PLOD1: variants seen among roughly 807,000 people sequenced by gnomAD.
The protein encoded by PLOD1 is lysine hydroxylase.
In PLOD1, 70 loss-of-function variants were observed where a neutral mutation model predicts 94.7. The observed-to-expected ratio is 0.74, with a 90% CI of 0.61 to 0.90. The LOEUF (loss-of-function observed/expected upper bound fraction) is 0.90. Among genes scored for constraint, PLOD1 ranks in the 40% least tolerant of loss-of-function variants. The pLI, the probability that PLOD1 is intolerant of heterozygous loss-of-function variation, is 0.00. For synonymous variants in PLOD1, 417 were observed against 400.2 expected, an observed-to-expected ratio of 1.04 and a Z score of -0.50; for missense variants, 905 against 972.7, an observed-to-expected ratio of 0.93 and a Z score of 0.93.
Position 11,934,738 on chromosome 1 carries a change from C to T in PLOD1, c.-42C>T, listed in dbSNP as rs751377124. ...CCCCGTCGCGAAGTTTCCAGCCCTG[C>T]GAGCGCCGCCGGGTCGGCCGATCGT... On this transcript the variant is annotated 5_prime_UTR_variant, in exon 1 of 19. Transcript: ENST00000196061. The T allele has an allele frequency of 3.3e-6, 5 of 1,517,864 alleles. No individual in the cohort carries two copies. The Admixed American group carries it at 1.0e-4, about 31-fold the overall frequency. 94.0% of individuals were successfully genotyped at this position (1,517,864 alleles called of 1,614,324 possible).
At position 11,963,522 on chromosome 1, in the gene PLOD1, C is replaced by T. The variant is rs776999916; in HGVS notation, c.1098-10C>T. On this transcript the variant is annotated splice_polypyrimidine_tract_variant and intron_variant, in intron 10 of 18. Transcript: ENST00000196061. The surrounding 1 kb of genome is among the most constrained non-coding windows in gnomAD (Gnocchi z 4.3). ...TCAGGTGCACTGACCCTGTGTCCTCCTCCTTGCAGAGACCTGTGCCGGCAG... is the reference window on the plus strand; with the variant it reads ...TCAGGTGCACTGACCCTGTGTCCTCTTCCTTGCAGAGACCTGTGCCGGCAG... The T allele has an allele frequency of 6.3e-7, 1 of 1,575,012 alleles. No homozygotes were observed. The highest frequency in any genetic ancestry group is 1.2e-5 in the South Asian group (1 of 86,504).
intron 2 of PLOD1, 65 bp from the exon 3 acceptor site, chr1:11,949,708 C>G: frequency 6.4e-7 from 1 of 1,570,780 alleles, no homozygotes; most frequent in Non-Finnish European, 8.7e-7. Flanking sequence ...GCATGAGCCA[C>G]CACGGCCAGC....
intron 16 of PLOD1, among the ~76,000 whole-genome samples, chr1:11,967,597 G>GTAAAGAAATATATATAGATTTTATTTA (rs1645828571): frequency 1.7e-5 from 1 of 59,780 alleles, no homozygotes; most frequent in African/African-American, 6.7e-5. Flanking sequence ...GTGTGTGTGT[G>GTAAAGAAATATATATAGATTTTATTTA]TATATATATA....
intron 14 of PLOD1, 70 bp downstream of exon 14, chr1:11,965,663 C>A (rs1569725407): frequency 1.1e-6 from 1 of 945,580 alleles, no homozygotes; most frequent in East Asian, 2.4e-5. Context: ...GGAGGGACTT[C>A]CCTCTCAGAG....
chr1:11,964,103 C>G (rs201230979), intron 11 of PLOD1, 72 bp from the exon 12 acceptor site: 28 of 1,485,476 alleles, frequency 1.9e-5, no homozygotes, highest in African/African-American at 1.2e-4. Context: ...CTACCTCCCC[C>G]CATCCCTGGT....
intron 3 of PLOD1, 45 bp downstream of exon 3, chr1:11,949,951 TAGA>T: frequency 1.9e-6 from 3 of 1,598,512 alleles, no homozygotes; most frequent in Non-Finnish European, 2.6e-6. Context: ...CCGCGGAAGA[TAGA>T]AGAATATTCT....
At chr1:11,934,989 T>A in intron 1 of PLOD1, 134 bp downstream of exon 1, 1 of 1,129,494 alleles carries the variant, frequency 8.9e-7, no homozygotes, top group Non-Finnish European at 1.2e-6. Context: ...CTTGTCCACT[T>A]AATCGCTGGT....
At chr1:11,969,796 G>A (rs1038586780) in intron 16 of PLOD1, among the ~76,000 whole-genome samples, 1 of 152,180 alleles carries the variant, frequency 6.6e-6, no homozygotes, top group African/African-American at 2.4e-5. Context: ...GCCAGCAAGA[G>A]ACAGAATCTC....
intron 1 of PLOD1, among the ~76,000 whole-genome samples, chr1:11,938,921 A>T (rs1461857589): frequency 6.6e-6 from 1 of 152,218 alleles, no homozygotes; most frequent in Non-Finnish European, 1.5e-5. Flanking sequence ...GGGAGACACA[A>T]GAAGGCTTCA....
Position 11,949,809 on chromosome 1 carries a change from G to A in PLOD1, c.205G>A (p.Gly69Arg). 6.2e-7 allele frequency: 1 copy of A among 1,614,068 alleles called. No homozygotes were observed. Among genetic ancestry groups the A allele is most frequent in the South Asian group, 1.1e-5 (1 of 91,080 alleles). The change falls in exon 3 of 19, where the codon GGG becomes AGG. Residue 69 changes from glycine to arginine, a missense_variant. Gly to Arg is a moderately radical substitution (Grantham distance 125). Transcript: ENST00000196061. ...GLGEDWNVEK[G>R]TSAGGGQKVR... ...AGGGGAGGACTGGAATGTGGAGAAGGGGACGTCGGCAGGTGGAGGGCAGAA... is the reference window on the plus strand; with the variant it reads ...AGGGGAGGACTGGAATGTGGAGAAGAGGACGTCGGCAGGTGGAGGGCAGAA...
At chr1:11,952,326 G>T (rs1645708846) in intron 4 of PLOD1, among the ~76,000 whole-genome samples, 1 of 152,218 alleles carries the variant, frequency 6.6e-6, no homozygotes, top group African/African-American at 2.4e-5. Flanking sequence ...GGGGCTCCTC[G>T]TACAATCCGT....
chr1:11,935,019 C>T (rs1645568811), intron 1 of PLOD1, among the ~76,000 whole-genome samples, 164 bp downstream of exon 1: 1 of 152,210 alleles, frequency 6.6e-6, no homozygotes. Flanking sequence ...AAATCACTTC[C>T]CCTCTTGGGG....
At chr1:11,944,770 T>TCTGCCCTGGGGCCAGCTCCCTGCCCC in intron 1 of PLOD1, 1 of 843,584 alleles carries the variant, frequency 1.2e-6, no homozygotes. Flanking sequence ...GCGCCAGCCC[T>TCTGCCCTGGGGCCAGCTCCCTGCCCC]CTGCCCTGGG....
At chr1:11,942,390 G>A (rs913006350) in intron 1 of PLOD1, among the ~76,000 whole-genome samples, 4 of 152,186 alleles carry the variant, frequency 2.6e-5, no homozygotes, top group Non-Finnish European at 5.9e-5. Context: ...TAAAGATGTG[G>A]CCCTGGCCTG....
chr1:11,968,462 A>G lies in PLOD1; in HGVS notation c.1755+1371A>G, dbSNP rs911027146. On this transcript the variant is annotated intron_variant, in intron 16 of 18. Coordinates refer to ENST00000196061, the MANE Select transcript of PLOD1 (RefSeq NM_000302.4). ...ATTTTTCGTCTCCTGACAGTTTTAC[A>G]ACATTCATATCTCCTATGTACTTCA... is the stretch of plus-strand genomic sequence containing the variant. Among the ~76,000 whole-genome samples, 4 of 152,016 alleles carry G rather than the reference A, an allele frequency of 2.6e-5. No individual in the cohort carries two copies. The South Asian group carries it at 8.3e-4, about 31-fold the overall frequency.
rs1358799443 is a variant in PLOD1, at chr1:11,963,014, C to T, written c.1098-518C>T. 6.6e-6 allele frequency among the ~76,000 whole-genome samples: 1 copy of T among 151,726 alleles called. No individual in the cohort carries two copies. Among genetic ancestry groups the T allele is most frequent in the African/African-American group, 2.4e-5 (1 of 41,288 alleles). ...TGAGATTGTGCCATTGCATTCCAGC[C>T]TGGGCAACAGAGTGAGACTCGTTCT... On this transcript the variant is annotated intron_variant, in intron 10 of 18. Coordinates refer to ENST00000196061, the MANE Select transcript of PLOD1 (RefSeq NM_000302.4). The surrounding 1 kb of genome is among the most constrained non-coding windows in gnomAD (Gnocchi z 4.3).
rs543980683 is a variant in PLOD1, at chr1:11,965,569, C to G, written c.1560C>G (p.Leu520=). The G allele has an allele frequency of 6.2e-7, 1 of 1,612,870 alleles. No individual in the cohort carries two copies. Among genetic ancestry groups the G allele is most frequent in the South Asian group, 1.1e-5 (1 of 91,068 alleles). Residue 520 remains leucine (L), a synonymous_variant, in exon 14 of 19, where the codon CTC becomes CTG. Transcript: ENST00000196061. ...GCACCACCCACCTGCACAACGACCTCTGGGAGGTGTTCAGCAACCCCGAGG... is the reference window on the plus strand; with the variant it reads ...GCACCACCCACCTGCACAACGACCTGTGGGAGGTGTTCAGCAACCCCGAGG... ...SYRTTHLHND[L]WEVFSNPEDW...
intron 1 of PLOD1, among the ~76,000 whole-genome samples, chr1:11,941,053 G>A (rs1271586302): frequency 2.0e-5 from 3 of 152,194 alleles, no homozygotes; most frequent in East Asian, 3.8e-4. Context: ...GTGACTTTGG[G>A]TCAGGTATTT....
chr1:11,953,105 G>C (rs1431944411), intron 5 of PLOD1, among the ~76,000 whole-genome samples: 1 of 152,102 alleles, frequency 6.6e-6, no homozygotes. Context: ...GCCCAGGCTA[G>C]AGTACAGTGG....
Sources: gnomAD v4.1 joint callset for allele counts (sites outside exome capture counted in the v4.1 genomes callset) on GRCh38, gnomAD v4.1.1 for gene constraint, Gnocchi (gnomAD v3.1) non-coding constraint, MANE v1.5 for transcripts, NCBI Gene and HGNC (gene_info 2026-07-23, HGNC 2026-07-21) for gene names.